FLNB: variants seen among roughly 807,000 people sequenced by gnomAD.
FLNB encodes the protein filamin-B.
In FLNB, 111 loss-of-function variants were observed where a neutral mutation model predicts 250.6. The ratio of observed to expected loss-of-function variants is 0.44; its 90% confidence interval spans 0.38 to 0.52. The LOEUF is 0.52. Ranked by LOEUF, FLNB falls within the 20% of genes least tolerant of loss-of-function variation. FLNB has a pLI of 0.00. For missense variants in FLNB, 2,869 were observed against 3,447.8 expected (o/e 0.83, Z 4.20); for synonymous variants, 1,302 against 1,372.1 (o/e 0.95, Z 1.13).
rs868037240 is a variant in FLNB at position 58,060,796 on chromosome 3, A to G, written c.293-16250A>G. Among the ~76,000 whole-genome samples the G allele has an allele frequency of 7.1e-3, 597 of 84,242 alleles. 7 individuals are homozygous for G. The highest frequency in any genetic ancestry group is 0.034 in the African/African-American group (547 of 16,020). 55.3% of individuals were successfully genotyped at this position (84,242 alleles called of 152,430 possible). A position where few individuals can be genotyped will look rare whatever the true frequency, so the allele number is the denominator to read the frequency against. ...AAAAAAAAAAAAAAAAAAAAAAAAA[A>G]AAAGAAAGAAAGAAAAGAAAAGAAA... is the stretch of plus-strand genomic sequence containing the variant. On this transcript the variant is annotated intron_variant, in intron 1 of 45. Coordinates refer to ENST00000295956, the MANE Select transcript of FLNB (RefSeq NM_001457.4).
Position 58,108,590 on chromosome 3 carries a change from C to A in FLNB, c.2055+19C>A. 6.7e-7 allele frequency: 1 copy of A among 1,488,370 alleles called. No individual in the cohort carries two copies. Among genetic ancestry groups the A allele is most frequent in the Non-Finnish European group, 9.4e-7 (1 of 1,065,232 alleles). 92.2% of individuals were successfully genotyped at this position (1,488,370 alleles called of 1,614,324 possible). On this transcript the variant is annotated intron_variant, in intron 13 of 45. Coordinates refer to ENST00000295956, the MANE Select transcript of FLNB (RefSeq NM_001457.4). ...TGCTCAGGTAAATTTCAGGGGGCCA[C>A]CTGTGCAGGTAATTGTCAGGTAACA... is the stretch of plus-strand genomic sequence containing the variant.
At chr3:58,104,971 T>G in intron 10 of FLNB, 109 bp from the exon 11 acceptor site, 2 of 1,464,246 alleles carry the variant, frequency 1.4e-6, no homozygotes, top group Non-Finnish European at 1.9e-6. Flanking sequence ...GGATGCCAGA[T>G]GAAAGGATCA....
At chr3:58,089,311 G>A (rs1160349037) in intron 4 of FLNB, among the ~76,000 whole-genome samples, 1 of 152,034 alleles carries the variant, frequency 6.6e-6, no homozygotes, top group Non-Finnish European at 1.5e-5. Flanking sequence ...TTGGGAGGCC[G>A]AGGCGGGCAG....
chr3:58,114,186 A>G (rs1179162014), intron 18 of FLNB, among the ~76,000 whole-genome samples: 1 of 151,884 alleles, frequency 6.6e-6, no homozygotes, highest in Non-Finnish European at 1.5e-5. Flanking sequence ...GCTCACTGCA[A>G]CCTCTGTCTC....
At chr3:58,150,300 C>T (rs1056786090) in intron 38 of FLNB, 73 bp downstream of exon 38, 1 of 1,560,580 alleles carries the variant, frequency 6.4e-7, no homozygotes, top group Non-Finnish European at 8.8e-7. Context: ...CTTTGGGAAC[C>T]AAGTTTAGGC....
chr3:58,079,486 C>T (rs1035610603), intron 3 of FLNB, among the ~76,000 whole-genome samples: 4 of 152,086 alleles, frequency 2.6e-5, no homozygotes, highest in Non-Finnish European at 5.9e-5. Context: ...CTCCTGACCT[C>T]GTGATCTGCC....
chr3:58,027,418 G>A (rs1366258585), intron 1 of FLNB, among the ~76,000 whole-genome samples: 1 of 152,036 alleles, frequency 6.6e-6, no homozygotes, highest in African/African-American at 2.4e-5. Context: ...TAGGATTACA[G>A]GTGTGAGCCA....
intron 1 of FLNB, among the ~76,000 whole-genome samples, chr3:58,072,318 C>G (rs1377912270): frequency 2.0e-5 from 3 of 152,052 alleles, no homozygotes; most frequent in Non-Finnish European, 4.4e-5. Context: ...TTAGGCGGAC[C>G]TGGTAGGCGT....
At chr3:58,052,960 C>T (rs1007827333) in intron 1 of FLNB, among the ~76,000 whole-genome samples, 2 of 152,156 alleles carry the variant, frequency 1.3e-5, no homozygotes, top group Non-Finnish European at 2.9e-5. Flanking sequence ...TTTTTTTCTG[C>T]TAGGCAACTG....
Position 58,097,973 on chromosome 3 carries a change from G to A in FLNB, c.1143G>A (p.Thr381=), listed in dbSNP as rs964198741. 1.1e-5 allele frequency: 17 copies of A among 1,613,864 alleles called. 1 individual carries two copies. In the East Asian group the frequency reaches 1.3e-4, roughly 13 times the overall value. ...ANKPTYFDIY[T]AGAGVGDIGV... ...AGCCCACCTACTTTGACATCTATAC[G>A]GCAGGTAACGTGCCTCTCCTCCATG... is the stretch of plus-strand genomic sequence containing the variant. The change falls in exon 7 of 46, where the codon ACG becomes ACA. Residue 381 remains threonine (T), a synonymous_variant. Transcript: ENST00000295956.
intron 36 of FLNB, chr3:58,149,648 G>A: frequency 3.2e-6 from 2 of 624,224 alleles, no homozygotes; most frequent in Non-Finnish European, 5.6e-6. Flanking sequence ...ACCAGGTTCA[G>A]CAGGTTATTT....
Position 58,081,598 on chromosome 3 carries a change from T to C in FLNB, c.640-31T>C, listed in dbSNP as rs1254442148. The C allele has an allele frequency of 2.5e-6, 4 of 1,611,392 alleles. No individual in the cohort carries two copies. The Admixed American group carries it at 5.0e-5, about 20-fold the overall frequency. On this transcript the variant is annotated intron_variant, in intron 3 of 45. Coordinates refer to ENST00000295956, the MANE Select transcript of FLNB (RefSeq NM_001457.4). Reference sequence around the variant, plus strand: ...TCAATAGTTGCAAAGTGATGTGTTCTGGGTGTTCATCCACCATGTCATTAT... The same window carrying C: ...TCAATAGTTGCAAAGTGATGTGTTCCGGGTGTTCATCCACCATGTCATTAT...
At chr3:58,098,074 T>A in intron 7 of FLNB, 97 bp downstream of exon 7, 1 of 1,258,516 alleles carries the variant, frequency 7.9e-7, no homozygotes, top group Non-Finnish European at 1.2e-6. Context: ...TTTTGTCTTT[T>A]AAATCAAATA....
chr3:58,097,932 G>T lies in FLNB; in HGVS notation c.1102G>T (p.Gly368Trp). 1 of 1,614,136 alleles carries T rather than the reference G, an allele frequency of 6.2e-7. No homozygotes were observed. Among genetic ancestry groups the T allele is most frequent in the Non-Finnish European group, 8.5e-7 (1 of 1,180,008 alleles). Reference protein sequence around the residue: ...TAKGPGLEAVGNIANKPTYFD... With the variant: ...TAKGPGLEAVWNIANKPTYFD... ...AAAAGGTCCAGGGTTGGAAGCTGTA[G>T]GGAACATCGCCAATAAGCCCACCTA... The change falls in exon 7 of 46, where the codon GGG (glycine) becomes TGG (tryptophan). Residue 368 changes from glycine to tryptophan, a missense_variant. Transcript: ENST00000295956.
intron 8 of FLNB, among the ~76,000 whole-genome samples, chr3:58,101,549 C>T (rs2097251262): frequency 6.6e-6 from 1 of 152,186 alleles, no homozygotes; most frequent in Non-Finnish European, 1.5e-5. Flanking sequence ...CAAGCTAGAC[C>T]CGGAAATGAA....
At chr3:58,013,768 A>G (rs755563201) in intron 1 of FLNB, among the ~76,000 whole-genome samples, 9 of 152,252 alleles carry the variant, frequency 5.9e-5, no homozygotes, top group Non-Finnish European at 1.2e-4. Flanking sequence ...GGCTGTGTTG[A>G]GCTGAGATCA....
In FLNB at chr3:58,143,454, G is replaced by A. The variant is rs184907889; in HGVS notation, c.5285-19G>A. 1.4e-4 allele frequency: 226 copies of A among 1,614,034 alleles called. No homozygotes were observed. Among genetic ancestry groups the A allele is most frequent in the East Asian group, 5.6e-4 (25 of 44,886 alleles). On this transcript the variant is annotated intron_variant, in intron 31 of 45. Transcript: ENST00000295956. ...GGTTGCTGGTGGGCTTCATTGCCCC[G>A]TCTCTCTGTGCTCCATAGGAGAGGT...
At chr3:58,080,857 G>C (rs1273428313) in intron 3 of FLNB, among the ~76,000 whole-genome samples, 1 of 150,324 alleles carries the variant, frequency 6.7e-6, no homozygotes, top group Admixed American at 6.7e-5. Context: ...GCAGTGGCAT[G>C]ATCTCGGTTC....
intron 9 of FLNB, among the ~76,000 whole-genome samples, chr3:58,103,274 G>GTA (rs1192682780): frequency 6.6e-6 from 1 of 151,616 alleles, no homozygotes; most frequent in Non-Finnish European, 1.5e-5. Flanking sequence ...GGGTGTGTGT[G>GTA]TGTGTGTGTG....
Sources: gnomAD v4.1 joint callset for allele counts (sites outside exome capture counted in the v4.1 genomes callset) on GRCh38, gnomAD v4.1.1 for gene constraint, MANE v1.5 for transcripts, NCBI Gene and HGNC (gene_info 2026-07-23, HGNC 2026-07-21) for gene names.